The following FMN2 variants were observed in gnomAD, a reference collection of about 807,000 sequenced individuals.
FMN2 encodes the protein formin 2.
In FMN2, 51 loss-of-function variants were observed where a neutral mutation model predicts 142.3. The observed-to-expected ratio is 0.36, with a 90% CI of 0.29 to 0.45. The LOEUF (loss-of-function observed/expected upper bound fraction) is 0.45. FMN2 is among the 20% of genes least tolerant of loss of function. FMN2 has a pLI of 1.00. For synonymous variants in FMN2, 882 were observed against 869.8 expected, an observed-to-expected ratio of 1.01 and a Z score of -0.25; for missense variants, 1,936 against 2,122.8, an observed-to-expected ratio of 0.91 and a Z score of 1.73.
At chr1:240,398,380 C>A (rs899359880) in intron 15 of FMN2, among the ~76,000 whole-genome samples, 2 of 152,042 alleles carry the variant, frequency 1.3e-5, no homozygotes, top group African/African-American at 4.8e-5. Flanking sequence ...ATTGTCTTAG[C>A]AAACTAGTAA....
chr1:240,301,140 T>G (rs1670184579), intron 8 of FMN2, among the ~76,000 whole-genome samples: 2 of 150,180 alleles, frequency 1.3e-5, no homozygotes, highest in Admixed American at 6.7e-5. Context: ...ACATGGTATT[T>G]TTTGCTGTTT....
chr1:240,131,093 G>A (rs1662717005), intron 2 of FMN2, among the ~76,000 whole-genome samples: 1 of 152,218 alleles, frequency 6.6e-6, no homozygotes, highest in Non-Finnish European at 1.5e-5. Flanking sequence ...CAACTATGCT[G>A]CAAGCTTAGG....
intron 6 of FMN2, among the ~76,000 whole-genome samples, chr1:240,244,083 G>A (rs6429195): frequency 0.35 from 53,429 of 151,968 alleles, 9,437 homozygotes; most frequent in Middle Eastern, 0.47. Flanking sequence ...CATCTCTATC[G>A]TTGAGTAATC....
intron 4 of FMN2, among the ~76,000 whole-genome samples, chr1:240,192,638 T>G (rs1465892779): frequency 6.6e-6 from 1 of 152,160 alleles, no homozygotes; most frequent in African/African-American, 2.4e-5. Flanking sequence ...ATCCTTGAAG[T>G]CTTCCTCAGT....
At chr1:240,280,109 CT>C (rs60089899) in intron 7 of FMN2, among the ~76,000 whole-genome samples, 51,446 of 151,770 alleles carry the variant, frequency 0.34, 8,963 homozygotes, top group East Asian at 0.45. Flanking sequence ...ACTGAGTTTT[CT>C]TTTTTTTATG....
chr1:240,247,871 T>C (rs1572112990), intron 6 of FMN2, among the ~76,000 whole-genome samples: 1 of 152,208 alleles, frequency 6.6e-6, no homozygotes, highest in South Asian at 2.1e-4. Context: ...ATATTTATGA[T>C]GTTACATGCA....
intron 6 of FMN2, among the ~76,000 whole-genome samples, chr1:240,243,326 C>T (rs1667974108): frequency 6.6e-6 from 1 of 152,100 alleles, no homozygotes; most frequent in South Asian, 2.1e-4. Flanking sequence ...ATGAATTTAT[C>T]TTTCCAAAGT....
At chr1:240,328,167 A>AAAAAAAAAAAAAG (rs1558435720) in intron 8 of FMN2, among the ~76,000 whole-genome samples, 44 of 141,160 alleles carry the variant, frequency 3.1e-4, no homozygotes, top group Non-Finnish European at 4.9e-4. Flanking sequence ...AAAAAAAAAA[A>AAAAAAAAAAAAAG]AAAAAGAAAA....
At chr1:240,444,923 G>A (rs891999558) in intron 16 of FMN2, among the ~76,000 whole-genome samples, 3 of 152,322 alleles carry the variant, frequency 2.0e-5, no homozygotes, top group Middle Eastern at 3.4e-3. Flanking sequence ...TGCTGGATAC[G>A]TAAGTGAAAC....
chr1:240,208,446 T>A lies in FMN2; in HGVS notation c.3634T>A (p.Leu1212Met), dbSNP rs772419200. Reference protein sequence around the residue: ...PGAGIPPPPPLPGMGIPPAPA... With the variant: ...PGAGIPPPPPMPGMGIPPAPA... ...TGCTGGGATTCCCCCACCTCCTCCC[T>A]TGCCAGGTATGGGGATTCCACCTGC... Residue 1212 changes from leucine (L) to methionine (M), a missense_variant, in exon 5 of 18, where the codon TTG (leucine) becomes ATG (methionine). Physicochemically the swap from Leu to Met is conservative, Grantham distance 15. Transcript: ENST00000319653. 1.3e-5 allele frequency: 21 copies of A among 1,598,220 alleles called. No homozygotes were observed. In the South Asian group the frequency reaches 2.3e-4, roughly 18 times the overall value.
At chr1:240,132,851 A>T (rs1662796630) in intron 2 of FMN2, among the ~76,000 whole-genome samples, 2 of 152,150 alleles carry the variant, frequency 1.3e-5, no homozygotes, top group African/African-American at 4.8e-5. Context: ...TTGGATGATC[A>T]CATTGGCCTT....
At position 240,093,364 on chromosome 1, in the gene FMN2, A is replaced by C. The variant is rs549042179; in HGVS notation, c.1255A>C (p.Ile419Leu). The change falls in exon 1 of 18, where the codon ATC becomes CTC. Residue 419 changes from isoleucine to leucine, a missense_variant. This residue lies in a region of FMN2 where 751 missense variants were observed against 791.8 expected (regional missense o/e 0.95). Transcript: ENST00000319653. The part of the protein sequence containing the change: ...KPYPLITPCY[I>L]KTTTRQLSSP... ...CTACCCGCTCATCACCCCCTGCTAC[A>C]TCAAGACCACCACCCGGCAGCTCAG... is the stretch of plus-strand genomic sequence containing the variant. 2.5e-6 allele frequency: 4 copies of C among 1,613,012 alleles called. No homozygotes were observed. Among genetic ancestry groups the C allele is most frequent in the Non-Finnish European group, 3.4e-6 (4 of 1,179,562 alleles).
chr1:240,396,782 A>C (rs1006041887), intron 15 of FMN2, among the ~76,000 whole-genome samples: 1 of 152,174 alleles, frequency 6.6e-6, no homozygotes. Context: ...AAAGGACATG[A>C]TTTCATTCAT....
chr1:240,164,219 C>T (rs1664390355), intron 2 of FMN2, among the ~76,000 whole-genome samples: 1 of 152,126 alleles, frequency 6.6e-6, no homozygotes, highest in African/African-American at 2.4e-5. Context: ...AAACTGCATA[C>T]ATTTTTGCCT....
intron 7 of FMN2, among the ~76,000 whole-genome samples, chr1:240,289,513 T>C (rs754565253): frequency 7.2e-5 from 11 of 151,790 alleles, no homozygotes; most frequent in Non-Finnish European, 1.5e-4. Flanking sequence ...TACAAAAAAA[T>C]TAAAAAAATA....
In FMN2 at chr1:240,323,356, G is replaced by A. The variant is rs540537331; in HGVS notation, c.4216-5720G>A. Reference sequence around the variant, plus strand: ...AATACAGGCATCTGCCACCACGCCCGGCTAATTTTTTGTATTTTTAGTAGA... The same window carrying A: ...AATACAGGCATCTGCCACCACGCCCAGCTAATTTTTTGTATTTTTAGTAGA... On this transcript the variant is annotated intron_variant, in intron 8 of 17. Coordinates refer to ENST00000319653, the MANE Select transcript of FMN2 (RefSeq NM_020066.5). Among the ~76,000 whole-genome samples, 10 of 151,996 alleles carry A rather than the reference G, an allele frequency of 6.6e-5. No homozygotes were observed. In the East Asian group the frequency reaches 1.2e-3, roughly 18 times the overall value.
chr1:240,257,835 C>G, intron 6 of FMN2, 110 bp from the exon 7 acceptor site: 1 of 860,758 alleles, frequency 1.2e-6, no homozygotes, highest in South Asian at 1.5e-5. Flanking sequence ...TAGGTAATGA[C>G]GTGAGATCTT....
At chr1:240,215,930 A>G (rs1666877926) in intron 6 of FMN2, among the ~76,000 whole-genome samples, 1 of 152,038 alleles carries the variant, frequency 6.6e-6, no homozygotes, top group African/African-American at 2.4e-5. Flanking sequence ...GCTGGTCTCA[A>G]ACTCCTGACC....
intron 7 of FMN2, among the ~76,000 whole-genome samples, chr1:240,282,297 C>T (rs950565486): frequency 1.3e-5 from 2 of 152,152 alleles, no homozygotes; most frequent in African/African-American, 4.8e-5. Context: ...CTATCTAAAT[C>T]CAAAACACAA....
Sources: allele counts gnomAD v4.1 joint callset (sites outside exome capture counted in the v4.1 genomes callset), GRCh38; gene constraint gnomAD v4.1.1; regional missense constraint gnomAD v4.1.1; transcripts MANE v1.5; gene names NCBI Gene and HGNC (gene_info 2026-07-23, HGNC 2026-07-21).